Variants in ZFHX3 observed in about 807,000 individuals in gnomAD.
ZFHX3 encodes zinc finger homeobox protein 3.
In ZFHX3, 42 loss-of-function variants were observed where a neutral mutation model predicts 279.1. The ratio of observed to expected loss-of-function variants is 0.15; its 90% CI spans 0.12 to 0.19. The LOEUF (loss-of-function observed/expected upper bound fraction) is 0.19. Among genes scored for constraint, ZFHX3 ranks in the 10% least tolerant of loss-of-function variants. ZFHX3 has a pLI of 1.00. For synonymous variants in ZFHX3, 2,293 were observed against 1,957.8 expected, an observed-to-expected ratio of 1.17 and a Z score of -4.52; for missense variants, 4,981 against 4,754.0, an observed-to-expected ratio of 1.05 and a Z score of -1.40.
intron 1 of ZFHX3, among the ~76,000 whole-genome samples, chr16:72,966,716 T>TC (rs1343835734): frequency 2.0e-5 from 3 of 152,198 alleles, no homozygotes; most frequent in African/African-American, 7.2e-5. Context: ...GCAGCTATCC[T>TC]CGGCTATATG....
intron 3 of ZFHX3, among the ~76,000 whole-genome samples, chr16:73,394,808 A>T (rs2017094159): frequency 6.6e-6 from 1 of 152,210 alleles, no homozygotes; most frequent in Non-Finnish European, 1.5e-5. Flanking sequence ...TCTATGTGCC[A>T]GACACTGACC....
At chr16:73,143,699 C>G in intron 6 of ZFHX3, 1 of 1,252,932 alleles carries the variant, frequency 8.0e-7, no homozygotes, top group Non-Finnish European at 1.1e-6. Context: ...ACTGCGTTAA[C>G]TCACCTGGTA....
At position 72,914,770 on chromosome 16, in the gene ZFHX3, C is replaced by G. The variant is rs574897892; in HGVS notation, c.3217-24808G>C. 1.3e-3 allele frequency among the ~76,000 whole-genome samples: 200 copies of G among 152,194 alleles called. 2 individuals carry two copies. In the Middle Eastern group the frequency reaches 0.02, roughly 16 times the overall value. On this transcript the variant is annotated intron_variant, in intron 3 of 9. Transcript: ENST00000268489. ...ACTTTGGGGGCTGAGGCAGGCAGGT[C>G]ACTTGAGGTCAGGACTTTGAGACAA... is the stretch of plus-strand genomic sequence containing the variant.
At chr16:73,843,417 A>T (rs897483829) in intron 1 of ZFHX3, among the ~76,000 whole-genome samples, 12 of 152,346 alleles carry the variant, frequency 7.9e-5, no homozygotes, top group African/African-American at 2.9e-4. Flanking sequence ...GTTCACAAAG[A>T]AACAAAGCCT....
At chr16:73,482,416 C>G (rs962303853) in intron 2 of ZFHX3, among the ~76,000 whole-genome samples, 3 of 152,096 alleles carry the variant, frequency 2.0e-5, no homozygotes, top group African/African-American at 7.2e-5. Context: ...GAGGATCGGC[C>G]CTTCACATCC....
intron 2 of ZFHX3, among the ~76,000 whole-genome samples, chr16:73,604,677 G>A (rs1448937621): frequency 4.6e-5 from 7 of 151,822 alleles, no homozygotes; most frequent in East Asian, 1.9e-4. Context: ...CCCGGGAGGC[G>A]GAGGTAGCAG....
chr16:73,527,882 G>C (rs1437567865), intron 2 of ZFHX3, among the ~76,000 whole-genome samples: 1 of 152,206 alleles, frequency 6.6e-6, no homozygotes, highest in Non-Finnish European at 1.5e-5. Context: ...CCTAAAGAGA[G>C]ACTTGAGTCA....
At chr16:73,066,767 C>A (rs1211000498) in intron 8 of ZFHX3, among the ~76,000 whole-genome samples, 2 of 152,234 alleles carry the variant, frequency 1.3e-5, no homozygotes, top group Non-Finnish European at 2.9e-5. Flanking sequence ...TGCCTGCCTC[C>A]CCGTCACCCT....
intron 2 of ZFHX3, among the ~76,000 whole-genome samples, chr16:73,572,969 A>G (rs2051757149): frequency 6.6e-6 from 1 of 152,136 alleles, no homozygotes; most frequent in African/African-American, 2.4e-5. Context: ...ACTAGCCACA[A>G]GACCGCTCTA....
intron 4 of ZFHX3, among the ~76,000 whole-genome samples, chr16:72,872,113 A>AT (rs895610635): frequency 3.3e-5 from 5 of 151,612 alleles, no homozygotes; most frequent in African/African-American, 1.2e-4. Flanking sequence ...ACAAAAAAAA[A>AT]ATTTCAAGGA....
chr16:73,810,194 A>G (rs959982054), intron 1 of ZFHX3, among the ~76,000 whole-genome samples: 5 of 152,202 alleles, frequency 3.3e-5, no homozygotes, highest in Non-Finnish European at 7.3e-5. Flanking sequence ...CTGAAAAGAA[A>G]GTTAAATCCT....
chr16:72,799,919 A>T, intron 8 of ZFHX3, 108 bp downstream of exon 8: 1 of 980,910 alleles, frequency 1.0e-6, no homozygotes, highest in Non-Finnish European at 1.6e-6. Context: ...CTGATCAGTT[A>T]CATTCACCTT....
chr16:73,578,557 A>G (rs1227615749), intron 2 of ZFHX3, among the ~76,000 whole-genome samples: 1 of 152,196 alleles, frequency 6.6e-6, no homozygotes. Context: ...CTTATATTCA[A>G]CAAAAACACT....
intron 3 of ZFHX3, among the ~76,000 whole-genome samples, chr16:72,936,029 G>A (rs960061373): frequency 1.6e-4 from 24 of 152,230 alleles, no homozygotes; most frequent in African/African-American, 5.8e-4. Context: ...CCAGCAGCAC[G>A]TGGGAATTTT....
intron 6 of ZFHX3, among the ~76,000 whole-genome samples, chr16:73,134,785 GC>G (rs1441473875): frequency 6.6e-6 from 1 of 151,898 alleles, no homozygotes; most frequent in Admixed American, 6.6e-5. Flanking sequence ...CATGTGACTT[GC>G]TTTGGCTGCC....
chr16:73,637,542 T>C (rs1430201999), intron 2 of ZFHX3, among the ~76,000 whole-genome samples: 1 of 152,164 alleles, frequency 6.6e-6, no homozygotes, highest in Admixed American at 6.5e-5. Flanking sequence ...CTATTTTGTG[T>C]TTTAAAAAGA....
At chr16:73,064,727 T>C (rs1191372412) in intron 8 of ZFHX3, among the ~76,000 whole-genome samples, 1 of 152,106 alleles carries the variant, frequency 6.6e-6, no homozygotes, top group Non-Finnish European at 1.5e-5. Context: ...ACATGGCGCA[T>C]TGTGAAAATG....
chr16:72,889,354 T>C (rs1012956193), intron 4 of ZFHX3, among the ~76,000 whole-genome samples: 5 of 151,942 alleles, frequency 3.3e-5, no homozygotes, highest in Admixed American at 1.3e-4. Flanking sequence ...AACCAATAAA[T>C]TGAATCTAAA....
chr16:73,053,553 G>T (rs1466330904), intron 1 of ZFHX3, among the ~76,000 whole-genome samples: 1 of 152,158 alleles, frequency 6.6e-6, no homozygotes. Flanking sequence ...GGCAAAGTGG[G>T]GGGAGGTGTT....
Sources: gnomAD v4.1 joint callset for allele counts (sites outside exome capture counted in the v4.1 genomes callset) on GRCh38, gnomAD v4.1.1 for gene constraint, MANE v1.5 for transcripts, NCBI Gene and HGNC (gene_info 2026-07-23, HGNC 2026-07-21) for gene names.